TLR5: variants seen among roughly 807,000 people sequenced by gnomAD.
TLR5 encodes toll-like receptor 5.
For missense variants in TLR5, 944 were observed against 999.8 expected (o/e 0.94, Z 0.75); for synonymous variants, 373 against 384.4 (o/e 0.97, Z 0.35).
Position 223,112,863 on chromosome 1 carries a change from AGTT to A in TLR5, c.166_168del (p.Asn56del), listed in dbSNP as rs1656436211. 7 of 1,613,906 alleles carry A rather than the reference AGTT, an allele frequency of 4.3e-6. No homozygotes were observed. In the East Asian group the frequency reaches 1.6e-4, roughly 36 times the overall value. ...GATGAAGCAGTGACTGTCCTGATAT[AGTT>A]GAAGCTCAGCAGGAGCCTCTCAGTG... On this transcript the variant is annotated inframe_deletion, in exon 6 of 6. Coordinates refer to ENST00000642603, the MANE Select transcript of TLR5 (RefSeq NM_003268.6).
Position 223,112,073 on chromosome 1 carries a change from G to T in TLR5, c.959C>A (p.Ala320Asp). The change falls in exon 6 of 6, where the codon GCC (alanine) becomes GAC (aspartate). Residue 320 changes from alanine (A) to aspartate (D), a missense_variant. Ala to Asp is a moderately radical substitution (Grantham distance 126, BLOSUM62 -2). Coordinates refer to ENST00000642603, the MANE Select transcript of TLR5 (RefSeq NM_003268.6). ...TGCAATCTTATTTATCTTGTTGTAG[G>T]CAAGGTTCAGAACCTTCAAATCCTT... ...TLKDLKVLNL[A>D]YNKINKIADE... is the part of the protein sequence containing the mutation. The T allele has an allele frequency of 6.2e-7, 1 of 1,614,164 alleles. No individual in the cohort carries two copies. The highest frequency in any genetic ancestry group is 8.5e-7 in the Non-Finnish European group (1 of 1,180,030).
At chr1:223,135,264 A>G (rs1275715909) in intron 3 of TLR5, among the ~76,000 whole-genome samples, 1 of 152,186 alleles carries the variant, frequency 6.6e-6, no homozygotes, top group Non-Finnish European at 1.5e-5. Context: ...GTAAGCAGGG[A>G]CAGGTGAGGC....
chr1:223,128,987 T>G (rs190160426), intron 5 of TLR5: 102 of 152,394 alleles, frequency 6.7e-4, no homozygotes, highest in African/African-American at 2.4e-3. Context: ...TCTCCGACCT[T>G]CCTCACAACC....
intron 4 of TLR5, among the ~76,000 whole-genome samples, chr1:223,133,225 G>C (rs943539660): frequency 1.3e-5 from 2 of 152,198 alleles, no homozygotes; most frequent in African/African-American, 4.8e-5. Flanking sequence ...GATTAACTCA[G>C]AGAGGTTAAG....
intron 5 of TLR5, among the ~76,000 whole-genome samples, chr1:223,119,822 G>A (rs1354573616): frequency 3.3e-5 from 5 of 150,692 alleles, no homozygotes; most frequent in East Asian, 1.9e-4. Context: ...TTAGCCGGGC[G>A]GGGTGGTGGC....
At chr1:223,138,251 C>G (rs1232028789) in intron 2 of TLR5, among the ~76,000 whole-genome samples, 1 of 151,872 alleles carries the variant, frequency 6.6e-6, no homozygotes, top group Non-Finnish European at 1.5e-5. Flanking sequence ...ACTACTGTAC[C>G]CAGCCTCTTT....
intron 5 of TLR5, among the ~76,000 whole-genome samples, chr1:223,122,227 G>A (rs1656983105): frequency 6.6e-6 from 1 of 152,198 alleles, no homozygotes; most frequent in African/African-American, 2.4e-5. Context: ...GCATCATGAT[G>A]ATAAACCAAC....
At chr1:223,136,063 A>G (rs1312959369) in intron 3 of TLR5, among the ~76,000 whole-genome samples, 2 of 152,144 alleles carry the variant, frequency 1.3e-5, no homozygotes, top group Non-Finnish European at 2.9e-5. Flanking sequence ...TTTTCCAAAC[A>G]GGGCCTTAGG....
rs961978301 is a variant in TLR5, at chr1:223,111,067, C to T, written c.1965G>A (p.Met655Ile). Reference protein sequence around the residue: ...VCTVTLTLFLMTILTVTKFRG... With the variant: ...VCTVTLTLFLITILTVTKFRG... ...GGAACTTTGTGACTGTGAGGATGGT[C>T]ATGAGGAACAGAGTCAGAGTGACAG... Residue 655 changes from methionine to isoleucine, a missense_variant, in exon 6 of 6, where the codon ATG becomes ATA. Coordinates refer to ENST00000642603, the MANE Select transcript of TLR5 (RefSeq NM_003268.6). The T allele has an allele frequency of 8.7e-6, 14 of 1,613,998 alleles. No homozygotes were observed. In the Admixed American group the frequency reaches 1.7e-4, roughly 19 times the overall value.
intron 5 of TLR5, among the ~76,000 whole-genome samples, chr1:223,118,170 A>C (rs1452490524): frequency 2.0e-5 from 3 of 152,242 alleles, no homozygotes; most frequent in African/African-American, 4.8e-5. Flanking sequence ...CTGGTCCAGA[A>C]GCATGAGACA....
intron 3 of TLR5, among the ~76,000 whole-genome samples, chr1:223,136,917 C>T (rs1490922098): frequency 1.3e-5 from 2 of 152,044 alleles, no homozygotes; most frequent in African/African-American, 2.4e-5. Flanking sequence ...TGAACTCCCC[C>T]GGCTCAGGTG....
At chr1:223,122,503 C>A (rs373592502) in intron 5 of TLR5, among the ~76,000 whole-genome samples, 2 of 152,108 alleles carry the variant, frequency 1.3e-5, no homozygotes, top group African/African-American at 2.4e-5. Context: ...GGAGAACAGG[C>A]CTTGACACCC....
chr1:223,143,092 G>C (rs1053465377), intron 1 of TLR5, 104 bp downstream of exon 1: 4 of 152,174 alleles, frequency 2.6e-5, no homozygotes, highest in Non-Finnish European at 5.9e-5. Flanking sequence ...AGCCCGGGAG[G>C]AGGGCGGAGA....
chr1:223,125,959 AAC>A (rs1418696275), intron 5 of TLR5, among the ~76,000 whole-genome samples: 2 of 152,136 alleles, frequency 1.3e-5, no homozygotes, highest in East Asian at 1.9e-4. Flanking sequence ...CAAAAAATGA[AAC>A]ACAGAACTAA....
chr1:223,142,682 C>CA (rs558551892), intron 1 of TLR5, among the ~76,000 whole-genome samples: 52 of 152,316 alleles, frequency 3.4e-4, no homozygotes, highest in African/African-American at 1.2e-3. Flanking sequence ...GGCCAGTGTG[C>CA]ACTGCCTGGT....
chr1:223,111,641 C>A lies in TLR5; in HGVS notation c.1391G>T (p.Ser464Ile), dbSNP rs1656343957. ...ATTCTCTGAAGGGGTTTGATCTCCA[C>A]TACAGGAGGAGAAGCGATTTTGATT... is the stretch of plus-strand genomic sequence containing the variant. ...ILNQNRFSSC[S>I]GDQTPSENPS... The change falls in exon 6 of 6, where the codon AGT becomes ATT. Residue 464 changes from serine (S) to isoleucine (I), a missense_variant. Coordinates refer to ENST00000642603, the MANE Select transcript of TLR5 (RefSeq NM_003268.6). The A allele has an allele frequency of 6.2e-7, 1 of 1,614,152 alleles. No homozygotes were observed.
chr1:223,118,252 A>T (rs938985057), intron 5 of TLR5, among the ~76,000 whole-genome samples: 16 of 152,234 alleles, frequency 1.1e-4, no homozygotes, highest in Admixed American at 2.0e-4. Flanking sequence ...TGGTTGAAAG[A>T]GTTATCAATA....
rs1656393176 is a variant in TLR5 at position 223,112,308 on chromosome 1, T to C, written c.724A>G (p.Ile242Val). The change falls in exon 6 of 6, where the codon ATC (isoleucine) becomes GTC (valine). Residue 242 changes from isoleucine (I) to valine (V), a missense_variant. Transcript: ENST00000642603. ...ATGGCATTGCTAAAGTTTCCTGTGA[T>C]GTCCACTGTCCAGCCATTTCCAGAA... Reference protein sequence around the residue: ...DVSGNGWTVDITGNFSNAISK... With the variant: ...DVSGNGWTVDVTGNFSNAISK... 6.2e-6 allele frequency: 10 copies of C among 1,614,254 alleles called. No homozygotes were observed. Among genetic ancestry groups the C allele is most frequent in the Non-Finnish European group, 8.5e-6 (10 of 1,180,044 alleles).
intron 2 of TLR5, among the ~76,000 whole-genome samples, chr1:223,139,768 C>T (rs1293231228): frequency 6.6e-6 from 1 of 152,166 alleles, no homozygotes; most frequent in African/African-American, 2.4e-5. Context: ...AGCACCACCA[C>T]TGCATTACAC....
Sources: gnomAD v4.1 joint callset for allele counts (sites outside exome capture counted in the v4.1 genomes callset) on GRCh38, gnomAD v4.1.1 for gene constraint, MANE v1.5 for transcripts, NCBI Gene and HGNC (gene_info 2026-07-23, HGNC 2026-07-21) for gene names.